PPP1R7: variants seen among roughly 807,000 people sequenced by gnomAD.
The protein encoded by PPP1R7 is protein phosphatase 1 regulatory subunit 7, also known as protein phosphatase 1 regulatory subunit 22.
Under a neutral mutation model 45.2 loss-of-function variants are expected in PPP1R7, and 18 were observed. The observed-to-expected ratio is 0.40, with a 90% confidence interval of 0.28 to 0.59. The LOEUF (loss-of-function observed/expected upper bound fraction) is 0.59, where lower values mean the gene tolerates loss of function less well. PPP1R7 is among the 20% of genes least tolerant of loss of function. The probability of loss-of-function intolerance (pLI) is 0.46; values close to 1 mark genes in which losing one functional copy is unlikely to be tolerated. For missense variants in PPP1R7, 314 were observed against 455.8 expected (o/e 0.69, Z 2.83); for synonymous variants, 181 against 183.4 (o/e 0.99, Z 0.11).
At position 241,150,618 on chromosome 2, in the gene PPP1R7, G is replaced by T. The variant is rs1237124441; in HGVS notation, c.52+71G>T. On this transcript the variant is annotated intron_variant, in intron 1 of 9. Coordinates refer to ENST00000234038, the MANE Select transcript of PPP1R7 (RefSeq NM_002712.3). The stretch of plus-strand genomic sequence containing the variant: ...GGGAGCTGCGGGCTGGAACTGCTCC[G>T]TGCCTGAGAGAAACTCCACGTCCTG... 13 of 1,453,662 alleles carry T rather than the reference G, an allele frequency of 8.9e-6. No homozygotes were observed. In the East Asian group the frequency reaches 1.2e-4, roughly 13 times the overall value. The allele number at this position is 1,453,662 out of a possible 1,614,324, so 90.0% of individuals were successfully genotyped here. A position where few individuals can be genotyped will look rare whatever the true frequency, so the allele number is the denominator to read the frequency against.
At chr2:241,157,888 T>C (rs1559418519) in intron 3 of PPP1R7, 26 bp downstream of exon 3, 1 of 1,605,962 alleles carries the variant, frequency 6.2e-7, no homozygotes, top group Non-Finnish European at 8.5e-7. Context: ...CAGCCCAGCC[T>C]TGGGCGTGGT....
At chr2:241,149,729 C>T (rs1313000665), upstream of PPP1R7, 2 of 1,547,198 alleles carry the variant, frequency 1.3e-6, no homozygotes, top group Non-Finnish European at 1.7e-6. Context: ...CAGAGCTCGC[C>T]TCTTGGAGGC....
intron 5 of PPP1R7, 45 bp downstream of exon 5, chr2:241,159,388 C>G (rs770724575): frequency 1.9e-6 from 3 of 1,603,252 alleles, no homozygotes; most frequent in Middle Eastern, 1.9e-4. Context: ...GGGAAGGCCA[C>G]TGGGTGGGGG....
At chr2:241,158,327 G>T in intron 3 of PPP1R7, 157 bp from the exon 4 acceptor site, 1 of 660,864 alleles carries the variant, frequency 1.5e-6, no homozygotes, top group South Asian at 1.7e-5. Context: ...AAGCCAAAGA[G>T]CCCCCGCAGC....
intron 2 of PPP1R7, among the ~76,000 whole-genome samples, chr2:241,156,904 A>G (rs889854102): frequency 6.6e-6 from 1 of 152,080 alleles, no homozygotes; most frequent in African/African-American, 2.4e-5. Context: ...GTCTGTGTAT[A>G]CCACTGTTGT....
intron 7 of PPP1R7, among the ~76,000 whole-genome samples, chr2:241,165,787 C>T (rs1369816461): frequency 4.0e-5 from 6 of 150,684 alleles, no homozygotes; most frequent in East Asian, 2.0e-4. Flanking sequence ...TTCGTAGAGA[C>T]GGGGTTTCAC....
chr2:241,165,291 C>A (rs2067680643), intron 7 of PPP1R7, among the ~76,000 whole-genome samples: 1 of 151,906 alleles, frequency 6.6e-6, no homozygotes, highest in South Asian at 2.1e-4. Flanking sequence ...CTCAGTCTCC[C>A]AAGGAGCTGA....
At chr2:241,162,293 C>T (rs2067610936) in intron 6 of PPP1R7, among the ~76,000 whole-genome samples, 1 of 152,172 alleles carries the variant, frequency 6.6e-6, no homozygotes, top group Non-Finnish European at 1.5e-5. Flanking sequence ...TCCTAGAGTC[C>T]CCACCTGGTT....
chr2:241,166,852 C>G (rs1413586823), intron 8 of PPP1R7, among the ~76,000 whole-genome samples: 1 of 152,226 alleles, frequency 6.6e-6, no homozygotes. Context: ...GGCCACTGAC[C>G]TGTCCATGGG....
intron 2 of PPP1R7, among the ~76,000 whole-genome samples, chr2:241,154,204 A>G (rs34105448): frequency 8.8e-5 from 13 of 147,564 alleles, no homozygotes; most frequent in African/African-American, 3.0e-4. Context: ...AAAAAAAAAA[A>G]GGAAAAAGAA....
chr2:241,164,711 C>A (rs148004196), intron 7 of PPP1R7, among the ~76,000 whole-genome samples: 2,841 of 152,066 alleles, frequency 0.019, 99 homozygotes, highest in African/African-American at 0.064. Context: ...CCAGCCTGGG[C>A]AACATAGTGA....
chr2:241,157,124 G>T (rs999663769), intron 2 of PPP1R7, among the ~76,000 whole-genome samples: 1 of 152,210 alleles, frequency 6.6e-6, no homozygotes, highest in African/African-American at 2.4e-5. Context: ...GCCGGCTCCG[G>T]GGTAGAGAGT....
At chr2:241,181,436 A>T (rs952475854) in intron 9 of PPP1R7, among the ~76,000 whole-genome samples, 1 of 151,924 alleles carries the variant, frequency 6.6e-6, no homozygotes, top group Non-Finnish European at 1.5e-5. Context: ...TTCCAGCGCG[A>T]GCCCCGTGAT....
intron 9 of PPP1R7, among the ~76,000 whole-genome samples, chr2:241,171,228 G>A (rs1039075861): frequency 3.9e-5 from 6 of 152,200 alleles, no homozygotes; most frequent in African/African-American, 1.4e-4. Context: ...ACAGCTAGCA[G>A]GGAGGCAGGC....
intron 2 of PPP1R7, among the ~76,000 whole-genome samples, chr2:241,156,526 A>C (rs1326023564): frequency 6.6e-6 from 1 of 152,138 alleles, no homozygotes; most frequent in African/African-American, 2.4e-5. Flanking sequence ...GTTTTAAAAA[A>C]TTAGCCAGGC....
chr2:241,170,815 G>A (rs916408871), intron 9 of PPP1R7, among the ~76,000 whole-genome samples: 18 of 151,330 alleles, frequency 1.2e-4, no homozygotes, highest in African/African-American at 4.3e-4. Context: ...GTCATGATGG[G>A]ATACCAGAGC....
At chr2:241,169,055 T>C (rs1198019946) in intron 8 of PPP1R7, among the ~76,000 whole-genome samples, 2 of 152,220 alleles carry the variant, frequency 1.3e-5, no homozygotes, top group Non-Finnish European at 1.5e-5. Context: ...CAGGCTTAGC[T>C]AACATGTATT....
intron 2 of PPP1R7, 103 bp downstream of exon 2, chr2:241,153,707 G>C: frequency 6.2e-6 from 9 of 1,456,616 alleles, no homozygotes; most frequent in Non-Finnish European, 8.3e-6. Flanking sequence ...GTCTGGAGAA[G>C]GACTGCCGTG....
In PPP1R7 at chr2:241,150,467, A is replaced by G. The variant is rs757977145; in HGVS notation, c.-29A>G. ...GATTGGCTGAGGGGTCTGAGGCGAC[A>G]GATTCCGGAAAGGGGAAGAGCAGCC... is the stretch of plus-strand genomic sequence containing the variant. On this transcript the variant is annotated 5_prime_UTR_variant, in exon 1 of 10. Coordinates refer to ENST00000234038, the MANE Select transcript of PPP1R7 (RefSeq NM_002712.3). 6 of 1,537,472 alleles carry G rather than the reference A, an allele frequency of 3.9e-6. No individual in the cohort carries two copies. The South Asian group carries it at 6.9e-5, about 18-fold the overall frequency.
Sources: allele counts gnomAD v4.1 joint callset (sites outside exome capture counted in the v4.1 genomes callset), GRCh38; gene constraint gnomAD v4.1.1; transcripts MANE v1.5; gene names NCBI Gene and HGNC (gene_info 2026-07-23, HGNC 2026-07-21).